The following RANGAP1 variants were observed in gnomAD, a reference collection of about 807,000 sequenced individuals.
The protein encoded by RANGAP1 is Ran GTPase activating protein 1, also known as ran GTPase-activating protein 1.
A neutral mutation model predicts 63.5 loss-of-function variants in RANGAP1; 38 were observed. The observed-to-expected ratio is 0.60, with a 90% CI of 0.46 to 0.78. The LOEUF (loss-of-function observed/expected upper bound fraction) is 0.78, where lower values mean the gene tolerates loss of function less well. RANGAP1 is among the 30% of genes least tolerant of loss of function. The pLI, the probability that RANGAP1 is intolerant of heterozygous loss-of-function variation, is 0.00. For missense variants in RANGAP1, 630 were observed against 740.3 expected, an observed-to-expected ratio of 0.85 and a Z score of 1.73; for synonymous variants, 329 against 310.5, an observed-to-expected ratio of 1.06 and a Z score of -0.63.
chr22:41,248,743 C>G (rs955350980), intron 15 of RANGAP1, among the ~76,000 whole-genome samples: 1 of 152,230 alleles, frequency 6.6e-6, no homozygotes, highest in Non-Finnish European at 1.5e-5. Context: ...CCTTGCCTCT[C>G]TTACTTGACT....
chr22:41,274,201 G>A (rs1207613524), intron 3 of RANGAP1, among the ~76,000 whole-genome samples: 1 of 152,338 alleles, frequency 6.6e-6, no homozygotes, highest in East Asian at 1.9e-4. Context: ...TGCCCAACAT[G>A]AGATTCCTTT....
rs1019727320 is a variant in RANGAP1, at chr22:41,245,522, G to A, written c.*1081C>T. 6.6e-6 allele frequency: 1 copy of A among 152,264 alleles called. No individual in the cohort carries two copies. Among genetic ancestry groups the A allele is most frequent in the Non-Finnish European group, 1.5e-5 (1 of 68,062 alleles). 9.4% of individuals were successfully genotyped at this position (152,264 alleles called of 1,614,324 possible). On this transcript the variant is annotated 3_prime_UTR_variant, in exon 16 of 16. Transcript: ENST00000356244. Reference sequence around the variant, plus strand: ...TGCAGGGCTGACTGCCCCACAGACTGCTGCGGGGCCGCATGCTCTGCCGAG... The same window carrying A: ...TGCAGGGCTGACTGCCCCACAGACTACTGCGGGGCCGCATGCTCTGCCGAG...
In RANGAP1 at chr22:41,251,117, C is replaced by A. The variant is rs1366154664; in HGVS notation, c.1381-8G>T. ...GGGGTCAGACGTGTCAGTCTGAGGACAAAAGAGACAATGGTTGGCCTGTGG... is the reference window on the plus strand; with the variant it reads ...GGGGTCAGACGTGTCAGTCTGAGGAAAAAAGAGACAATGGTTGGCCTGTGG... On this transcript the variant is annotated splice_region_variant and splice_polypyrimidine_tract_variant and intron_variant, in intron 12 of 15. Transcript: ENST00000356244. 6.2e-7 allele frequency: 1 copy of A among 1,610,946 alleles called. No homozygotes were observed. The highest frequency in any genetic ancestry group is 2.2e-5 in the East Asian group (1 of 44,872).
At chr22:41,295,228 A>G in the RANGAP1 span, among the ~76,000 whole-genome samples, 1 of 151,836 alleles carries the variant, frequency 6.6e-6, no homozygotes, top group Non-Finnish European at 1.5e-5. Flanking sequence ...ACAGGCCAGG[A>G]TGACAATGGC....
At chr22:41,293,444 CT>C in the RANGAP1 span, among the ~76,000 whole-genome samples, 1 of 151,738 alleles carries the variant, frequency 6.6e-6, no homozygotes, top group Non-Finnish European at 1.5e-5. Context: ...AAAATGAAAA[CT>C]GTCAATAATC....
At position 41,257,941 on chromosome 22, in the gene RANGAP1, G is replaced by A. The variant is rs776035457; in HGVS notation, c.774+7C>T. ...GGGCCCAACTGGCTCTGCCACACTC[G>A]CCTCACCTCGGCCATGGCCACGGCG... On this transcript the variant is annotated splice_region_variant and intron_variant, in intron 7 of 15. Transcript: ENST00000356244. The surrounding 1 kb of genome is among the most constrained non-coding windows in gnomAD (Gnocchi z 4.0). The A allele has an allele frequency of 4.4e-6, 7 of 1,593,972 alleles. No individual in the cohort carries two copies. Among genetic ancestry groups the A allele is most frequent in the South Asian group, 1.1e-5 (1 of 88,398 alleles).
At chr22:41,291,686 C>T in the RANGAP1 span, among the ~76,000 whole-genome samples, 2 of 150,750 alleles carry the variant, frequency 1.3e-5, no homozygotes, top group Non-Finnish European at 2.9e-5. Context: ...ATCACGAGGT[C>T]AGGAGATCGA....
chr22:41,281,361 AGCAACACCAT>A, intron 1 of RANGAP1: 1 of 971,478 alleles, frequency 1.0e-6, no homozygotes. Flanking sequence ...CTGGACACCC[AGCAACACCAT>A]GTGAGCTGCC....
chr22:41,295,156 T>C, the RANGAP1 span, among the ~76,000 whole-genome samples: 1 of 133,106 alleles, frequency 7.5e-6, no homozygotes, highest in African/African-American at 3.5e-5. Context: ...TACTGGGAAG[T>C]GAGGAGCCCC....
In RANGAP1 at chr22:41,249,825, G is replaced by A. The variant is rs749608305; in HGVS notation, c.1484-8C>T. 49 of 1,610,392 alleles carry A rather than the reference G, an allele frequency of 3.0e-5. No individual in the cohort carries two copies. Among genetic ancestry groups the A allele is most frequent in the Non-Finnish European group, 4.0e-5 (47 of 1,176,788 alleles). ...CCTTCTGCATCAGGGCATCTGTAGGGCAGAAGCAGCAGGGGCAGGCTGCTG... is the reference window on the plus strand; with the variant it reads ...CCTTCTGCATCAGGGCATCTGTAGGACAGAAGCAGCAGGGGCAGGCTGCTG... On this transcript the variant is annotated splice_region_variant and splice_polypyrimidine_tract_variant and intron_variant, in intron 13 of 15. Coordinates refer to ENST00000356244, the MANE Select transcript of RANGAP1 (RefSeq NM_002883.4).
At chr22:41,277,477 GA>G in intron 2 of RANGAP1, 1 of 1,197,162 alleles carries the variant, frequency 8.4e-7, no homozygotes, top group South Asian at 1.3e-5. Flanking sequence ...AAACTTACAT[GA>G]AACAAAAAGT....
At chr22:41,246,807 C>T in intron 15 of RANGAP1, 135 bp from the exon 16 acceptor site, 1 of 809,096 alleles carries the variant, frequency 1.2e-6, no homozygotes. Flanking sequence ...AGCCCTCTGC[C>T]TTCTGCACAC....
In RANGAP1 at chr22:41,249,270, A is replaced by G. The variant is rs2033264159; in HGVS notation, c.1694+60T>C. On this transcript the variant is annotated intron_variant, in intron 15 of 15. Transcript: ENST00000356244. The stretch of plus-strand genomic sequence containing the variant: ...GGGCCTCCCGGAACCGGGCGCCTTC[A>G]GACCTGGCCAGAGAAGCCCGAGAGG... 2.6e-5 allele frequency: 40 copies of G among 1,526,626 alleles called. No individual in the cohort carries two copies. The South Asian group carries it at 5.1e-4, about 19-fold the overall frequency. 94.6% of individuals were successfully genotyped at this position (1,526,626 alleles called of 1,614,324 possible).
Position 41,245,298 on chromosome 22 carries a change from G to C in RANGAP1, c.*1305C>G, listed in dbSNP as rs1169832408. ...GGGTAGGAGGTAAGGAAGGTTGGCT[G>C]GGCTGTCCTCACATATGTGGCAGTG... On this transcript the variant is annotated 3_prime_UTR_variant, in exon 16 of 16. Transcript: ENST00000356244. Among the ~76,000 whole-genome samples the C allele has an allele frequency of 6.6e-6, 1 of 152,234 alleles. No individual in the cohort carries two copies. Among genetic ancestry groups the C allele is most frequent in the Non-Finnish European group, 1.5e-5 (1 of 68,040 alleles).
chr22:41,249,610 C>T, intron 14 of RANGAP1, 119 bp downstream of exon 14: 2 of 1,523,672 alleles, frequency 1.3e-6, no homozygotes, highest in Non-Finnish European at 1.8e-6. Flanking sequence ...GGCCTCGGGG[C>T]CCCGTGGGCG....
Position 41,276,496 on chromosome 22 carries a change from G to A in RANGAP1, c.113-1769C>T, listed in dbSNP as rs150836797. On this transcript the variant is annotated intron_variant, in intron 2 of 15. Transcript: ENST00000356244. ...CTAACTAAAAATACAAAAATTAGCC[G>A]GGTGTGGTGGTGGATGCCTGTAATC... Among the ~76,000 whole-genome samples, 94 of 152,018 alleles carry A rather than the reference G, an allele frequency of 6.2e-4. No homozygotes were observed. In the Middle Eastern group the frequency reaches 0.01, roughly 17 times the overall value.
chr22:41,261,647 C>T, intron 5 of RANGAP1, 67 bp from the exon 6 acceptor site: 1 of 1,596,810 alleles, frequency 6.3e-7, no homozygotes, highest in Non-Finnish European at 8.6e-7. Context: ...GTGGCCACTG[C>T]TGCTGAACTG....
At chr22:41,290,793 G>A (rs1371478074), upstream of RANGAP1, among the ~76,000 whole-genome samples, 1 of 152,124 alleles carries the variant, frequency 6.6e-6, no homozygotes, top group African/African-American at 2.4e-5. Context: ...TATTTATGTT[G>A]GATTCCTGAA....
chr22:41,280,585 G>C, intron 2 of RANGAP1: 1 of 1,099,400 alleles, frequency 9.1e-7, no homozygotes, highest in Non-Finnish European at 1.2e-6. Flanking sequence ...TGGGATCATG[G>C]GGGTTAAGGG....
Sources: allele counts gnomAD v4.1 joint callset (sites outside exome capture counted in the v4.1 genomes callset), GRCh38; gene constraint gnomAD v4.1.1; non-coding constraint Gnocchi (gnomAD v3.1); transcripts MANE v1.5; gene names NCBI Gene and HGNC (gene_info 2026-07-23, HGNC 2026-07-21).